Variants in MMRN2 observed in about 807,000 individuals in gnomAD.
MMRN2 encodes the protein multimerin-2.
A neutral mutation model predicts 68.8 loss-of-function variants in MMRN2; 53 were observed. The observed-to-expected ratio is 0.77, with a 90% CI of 0.62 to 0.97. MMRN2 has a LOEUF of 0.97. Among genes scored for constraint, MMRN2 ranks in the 50% least tolerant of loss-of-function variants. The pLI is 0.00. For synonymous variants in MMRN2, 564 were observed against 551.6 expected (o/e 1.02, Z -0.32); for missense variants, 1,266 against 1,259.5 (o/e 1.01, Z -0.08).
intron 1 of MMRN2, 43 bp downstream of exon 1, chr10:86,957,335 A>G: frequency 6.2e-6 from 10 of 1,604,468 alleles, no homozygotes; most frequent in Non-Finnish European, 8.5e-6. Flanking sequence ...GCTGGGACTC[A>G]GATCCTACTC....
intron 1 of MMRN2, among the ~76,000 whole-genome samples, chr10:86,951,457 C>A (rs1844142396): frequency 6.6e-6 from 1 of 152,234 alleles, no homozygotes; most frequent in Non-Finnish European, 1.5e-5. Flanking sequence ...TGTGTGACTG[C>A]ACAGGTCACA....
chr10:86,938,175 C>T (rs1291782177), intron 6 of MMRN2, among the ~76,000 whole-genome samples: 2 of 152,234 alleles, frequency 1.3e-5, no homozygotes, highest in Non-Finnish European at 2.9e-5. Flanking sequence ...CTCAAGCGGT[C>T]CTCCCACCTC....
At chr10:86,952,489 AAG>A (rs1023811687) in intron 1 of MMRN2, among the ~76,000 whole-genome samples, 9 of 152,286 alleles carry the variant, frequency 5.9e-5, no homozygotes, top group Non-Finnish European at 1.3e-4. Context: ...AAAGAGTTCA[AAG>A]AGAGGAATTT....
At chr10:86,950,223 C>A (rs1449597785) in intron 1 of MMRN2, among the ~76,000 whole-genome samples, 1 of 148,412 alleles carries the variant, frequency 6.7e-6, no homozygotes, top group Non-Finnish European at 1.5e-5. Flanking sequence ...TCCTAATTAT[C>A]CTAGCTACTT....
In MMRN2 at chr10:86,943,496, C is replaced by G. The variant is rs1564732123; in HGVS notation, c.1288G>C (p.Glu430Gln). 1 of 1,614,230 alleles carries G rather than the reference C, an allele frequency of 6.2e-7. No individual in the cohort carries two copies. The highest frequency in any genetic ancestry group is 8.5e-7 in the Non-Finnish European group (1 of 1,180,044). ...ACCTGCAGCTCCTCCACCTGCCGCT[C>G]CACCTTGCTAATCTGATCGAAAGTC... ...DETFDQISKV[E>Q]RQVEELQVNH... Residue 430 changes from glutamate to glutamine, a missense_variant, in exon 6 of 7, where the codon GAG (glutamate) becomes CAG (glutamine). Transcript: ENST00000372027. This position sits in a 1 kb window ranked among gnomAD's most constrained non-coding sequence, Gnocchi z 4.2.
At chr10:86,939,266 A>G (rs1843923657) in intron 6 of MMRN2, among the ~76,000 whole-genome samples, 1 of 151,834 alleles carries the variant, frequency 6.6e-6, no homozygotes, top group South Asian at 2.1e-4. Flanking sequence ...GATAGAGACC[A>G]GCCTGGCCAA....
chr10:86,945,119 G>A, intron 4 of MMRN2, 69 bp downstream of exon 4: 2 of 1,425,074 alleles, frequency 1.4e-6, no homozygotes, highest in South Asian at 1.2e-5. Context: ...TGTATCACAG[G>A]AAAAAGGGCC....
At chr10:86,952,471 A>G (rs1206598681) in intron 1 of MMRN2, among the ~76,000 whole-genome samples, 4 of 152,228 alleles carry the variant, frequency 2.6e-5, no homozygotes, top group African/African-American at 7.2e-5. Context: ...GGTCTGAGAA[A>G]TAAAGAGAAA....
chr10:86,938,478 CCAGG>C (rs1843911285), intron 6 of MMRN2, among the ~76,000 whole-genome samples: 1 of 152,174 alleles, frequency 6.6e-6, no homozygotes, highest in Non-Finnish European at 1.5e-5. Flanking sequence ...GTACAAACAG[CCAGG>C]AAGAAGCCAG....
Position 86,957,482 on chromosome 10 carries a change from T to A in MMRN2, c.60A>T (p.Ala20=), listed in dbSNP as rs140074339. 1 of 1,613,220 alleles carries A rather than the reference T, an allele frequency of 6.2e-7. No individual in the cohort carries two copies. Among genetic ancestry groups the A allele is most frequent in the African/African-American group, 1.3e-5 (1 of 75,048 alleles). Residue 20 remains alanine, a synonymous_variant, in exon 1 of 7, where the codon GCA becomes GCT. Coordinates refer to ENST00000372027, the MANE Select transcript of MMRN2 (RefSeq NM_024756.3). ...GGCTAGTACTGGAAGCCTGGGCCCA[T>A]GCCCCCAGCAGCCCCCAGCCCAGGG... The part of the protein sequence containing the change: ...GGPLGWGLLG[A]WAQASSTSLS...
chr10:86,939,748 T>C (rs1300972010), intron 6 of MMRN2, among the ~76,000 whole-genome samples: 1 of 151,584 alleles, frequency 6.6e-6, no homozygotes, highest in Non-Finnish European at 1.5e-5. Flanking sequence ...TGTGCTTCCC[T>C]GCAGGGCACA....
Position 86,942,355 on chromosome 10 carries a change from G to A in MMRN2, c.2429C>T (p.Pro810Leu). 1 of 1,613,888 alleles carries A rather than the reference G, an allele frequency of 6.2e-7. No homozygotes were observed. Among genetic ancestry groups the A allele is most frequent in the Non-Finnish European group, 8.5e-7 (1 of 1,179,868 alleles). The change falls in exon 6 of 7, where the codon CCT becomes CTT. Residue 810 changes from proline to leucine, a missense_variant. Physicochemically the swap from Pro to Leu is moderately conservative, Grantham distance 98 (BLOSUM62 -3). Transcript: ENST00000372027. ...EPLVDIRVTG[P>L]VPGALGAALW... ...CGCCGCGCCCAAGGCACCTGGCACA[G>A]GCCCTGTGACCCGTATGTCCACCAA...
In MMRN2 at chr10:86,943,770, C is replaced by G; in HGVS notation, c.1014G>C (p.Lys338Asn). Residue 338 changes from lysine (K) to asparagine (N), a missense_variant, in exon 6 of 7, where the codon AAG becomes AAC. By Grantham distance (94) the Lys-to-Asn change is moderately conservative. Transcript: ENST00000372027. This position sits in a 1 kb window ranked among gnomAD's most constrained non-coding sequence, Gnocchi z 4.2. ...ELQADVDTKL[K>N]RLHKAQEAPG... The stretch of plus-strand genomic sequence containing the variant: ...GGGCCTCCTGAGCCTTGTGCAGCCT[C>G]TTCAATTTGGTGTCCACATCGGCTT... 1 of 1,608,618 alleles carries G rather than the reference C, an allele frequency of 6.2e-7. No individual in the cohort carries two copies. The highest frequency in any genetic ancestry group is 8.5e-7 in the Non-Finnish European group (1 of 1,179,930).
chr10:86,944,056 G>A lies in MMRN2; in HGVS notation c.728C>T (p.Pro243Leu), dbSNP rs928111014. 4 of 1,614,018 alleles carry A rather than the reference G, an allele frequency of 2.5e-6. No homozygotes were observed. Among genetic ancestry groups the A allele is most frequent in the African/African-American group, 1.3e-5 (1 of 74,926 alleles). Residue 243 changes from proline (P) to leucine (L), a missense_variant, in exon 6 of 7, where the codon CCC becomes CTC. By Grantham distance (98) the Pro-to-Leu change is moderately conservative (BLOSUM62 -3). Coordinates refer to ENST00000372027, the MANE Select transcript of MMRN2 (RefSeq NM_024756.3). ...GCTTTGGTTAAAGCTCCTCCAGATG[G>A]GGCTGAAATGCACTTGTAGGAAGGT... ...VDTFLQVHFS[P>L]IWRSFNQSLH... is the part of the protein sequence containing the mutation.
At chr10:86,953,023 A>G (rs890706003) in intron 1 of MMRN2, among the ~76,000 whole-genome samples, 1 of 152,218 alleles carries the variant, frequency 6.6e-6, no homozygotes, top group African/African-American at 2.4e-5. Flanking sequence ...ATATCCGTTT[A>G]TAGGCTCTCT....
chr10:86,955,191 C>A (rs942412884), intron 1 of MMRN2, among the ~76,000 whole-genome samples: 3 of 152,148 alleles, frequency 2.0e-5, no homozygotes, highest in Non-Finnish European at 4.4e-5. Context: ...AGATGGGACA[C>A]CTTGCCTGGG....
At chr10:86,951,532 ACT>A (rs1233111041) in intron 1 of MMRN2, among the ~76,000 whole-genome samples, 8 of 152,256 alleles carry the variant, frequency 5.3e-5, no homozygotes, top group African/African-American at 1.7e-4. Flanking sequence ...CATCTACTCA[ACT>A]CTGCCATTGT....
intron 6 of MMRN2, among the ~76,000 whole-genome samples, chr10:86,942,015 G>A (rs936442949): frequency 6.6e-6 from 1 of 152,058 alleles, no homozygotes; most frequent in African/African-American, 2.4e-5. Flanking sequence ...GGCAGGAGGC[G>A]ATGCCCTCTC....
chr10:86,955,844 A>T (rs755772164), intron 1 of MMRN2, among the ~76,000 whole-genome samples: 1 of 152,224 alleles, frequency 6.6e-6, no homozygotes, highest in East Asian at 1.9e-4. Flanking sequence ...ACACCTGGGC[A>T]TTCCTGGGCC....
Sources: gnomAD v4.1 joint callset for allele counts (sites outside exome capture counted in the v4.1 genomes callset) on GRCh38, gnomAD v4.1.1 for gene constraint, Gnocchi (gnomAD v3.1) non-coding constraint, MANE v1.5 for transcripts, NCBI Gene and HGNC (gene_info 2026-07-23, HGNC 2026-07-21) for gene names.